The following RASSF3 variants were observed in gnomAD, a reference collection of about 807,000 sequenced individuals.
RASSF3 encodes the protein Ras association domain family member 3, also known as ras association domain-containing protein 3.
RASSF3 carries 19 observed loss-of-function variants against 19.9 expected under a neutral mutation model. The ratio of observed to expected loss-of-function variants is 0.96; its 90% CI spans 0.67 to 1.40. The LOEUF is 1.40. Ranked by LOEUF, RASSF3 falls within the 40% of genes most tolerant of loss-of-function variation. The pLI, the probability that RASSF3 is intolerant of heterozygous loss-of-function variation, is 0.00. For synonymous variants in RASSF3, 110 were observed against 104.2 expected (o/e 1.06, Z -0.34); for missense variants, 306 against 289.8 (o/e 1.06, Z -0.41).
rs528389968 is a variant in RASSF3 at position 64,598,053 on chromosome 12, A to G, written c.294+56348A>G. On this transcript the variant is annotated intron_variant, in intron 2 of 5. Coordinates refer to the RASSF3 transcript ENST00000637125. ...CTTCCACACCTCCCGAGTAGCTGGG[A>G]TTACAGGCACAAGCCACCATGCCCA... 1.6e-4 allele frequency among the ~76,000 whole-genome samples: 25 copies of G among 152,028 alleles called. No individual in the cohort carries two copies. The South Asian group carries it at 3.7e-3, about 23-fold the overall frequency.
At chr12:64,640,897 C>T (rs1044159546) in intron 1 of RASSF3, among the ~76,000 whole-genome samples, 9 of 152,066 alleles carry the variant, frequency 5.9e-5, no homozygotes, top group Admixed American at 4.6e-4. Context: ...CCTCCTCGAC[C>T]TCCCAAAGTG....
rs1176018517 is a variant in RASSF3, at chr12:64,622,827, C to CT, written c.111+12095dup. ...ACTGTGAAAATTTTCTTTTTTCTTT[C>CT]TTTTTTTTTTTGAGATGGAGTCTTG... On this transcript the variant is annotated intron_variant, in intron 1 of 4. Transcript: ENST00000542104. 2.9e-3 allele frequency among the ~76,000 whole-genome samples: 428 copies of CT among 145,178 alleles called. 2 individuals carry two copies. Among genetic ancestry groups the CT allele is most frequent in the African/African-American group, 9.3e-3 (372 of 39,830 alleles).
At chr12:64,673,579 C>T (rs1353305151) in intron 1 of RASSF3, among the ~76,000 whole-genome samples, 1 of 152,148 alleles carries the variant, frequency 6.6e-6, no homozygotes, top group Non-Finnish European at 1.5e-5. Context: ...CCACAGAGAT[C>T]TCCGAGAGGA....
chr12:64,507,677 C>T (rs1195965911), intron 1 of RASSF3, among the ~76,000 whole-genome samples: 1 of 152,106 alleles, frequency 6.6e-6, no homozygotes, highest in Non-Finnish European at 1.5e-5. Flanking sequence ...TGTCTTAGTA[C>T]TAAAACATCT....
At chr12:64,507,755 G>A (rs1375814604) in intron 1 of RASSF3, among the ~76,000 whole-genome samples, 2 of 152,118 alleles carry the variant, frequency 1.3e-5, no homozygotes, top group South Asian at 2.1e-4. Flanking sequence ...AACTAAAAAG[G>A]TCAGTGGGCC....
intron 1 of RASSF3, among the ~76,000 whole-genome samples, chr12:64,678,648 C>CAAAAAAAAAAAAAAAAA (rs767180678): frequency 2.2e-4 from 20 of 90,880 alleles, no homozygotes; most frequent in Non-Finnish European, 3.2e-4. Flanking sequence ...TCCGTAATAC[C>CAAAAAAAAAAAAAAAAA]AAAAAAAAAA....
chr12:64,517,377 C>A, intron 1 of RASSF3, among the ~76,000 whole-genome samples: 1 of 150,044 alleles, frequency 6.7e-6, no homozygotes, highest in African/African-American at 2.5e-5. Flanking sequence ...TTGGGGGAAA[C>A]AAAATAAAAT....
At chr12:64,596,839 C>T (rs1350067688) in intron 2 of RASSF3, among the ~76,000 whole-genome samples, 1 of 152,150 alleles carries the variant, frequency 6.6e-6, no homozygotes, top group East Asian at 1.9e-4. Context: ...AAGTGATTCT[C>T]CTGCTTCAGC....
intron 2 of RASSF3, among the ~76,000 whole-genome samples, chr12:64,587,051 C>CAT (rs1555210582): frequency 7.5e-6 from 1 of 134,098 alleles, no homozygotes; most frequent in East Asian, 2.1e-4. Context: ...CCTCGCCTCA[C>CAT]TTTTTTTTTT....
chr12:64,578,224 A>G (rs1371949366), intron 2 of RASSF3, among the ~76,000 whole-genome samples: 1 of 152,158 alleles, frequency 6.6e-6, no homozygotes, highest in Non-Finnish European at 1.5e-5. Flanking sequence ...CTCCGTCACA[A>G]AGAAGAAAAA....
chr12:64,696,400 T>C lies in RASSF3; in HGVS notation c.*1488T>C, dbSNP rs1290025936. The C allele has an allele frequency of 6.6e-6, 1 of 152,170 alleles. No homozygotes were observed. Among genetic ancestry groups the C allele is most frequent in the Non-Finnish European group, 1.5e-5 (1 of 68,028 alleles). 9.4% of individuals were successfully genotyped at this position (152,170 alleles called of 1,614,324 possible). On this transcript the variant is annotated 3_prime_UTR_variant, in exon 5 of 5. Transcript: ENST00000542104. Reference sequence around the variant, plus strand: ...ATAGAAGCCTTCCTTAAAAACAGGCTAAATAACCTCATTTTATGCAGCAGT... The same window carrying C: ...ATAGAAGCCTTCCTTAAAAACAGGCCAAATAACCTCATTTTATGCAGCAGT...
At chr12:64,602,123 A>C (rs1349284055) in intron 2 of RASSF3, among the ~76,000 whole-genome samples, 2 of 151,726 alleles carry the variant, frequency 1.3e-5, no homozygotes, top group Non-Finnish European at 2.9e-5. Context: ...TCAGAAAAAA[A>C]AAAAAAAAAA....
At chr12:64,515,404 C>A in intron 1 of RASSF3, 1 of 152,306 alleles carries the variant, frequency 6.6e-6, no homozygotes. Context: ...CACCTCCACC[C>A]CAGATCCCTT....
chr12:64,540,165 C>T (rs1168731346), intron 1 of RASSF3, among the ~76,000 whole-genome samples: 1 of 152,148 alleles, frequency 6.6e-6, no homozygotes, highest in Non-Finnish European at 1.5e-5. Flanking sequence ...TAAGTAGTAT[C>T]TGATGTGAAG....
At chr12:64,615,513 A>C (rs973508795) in intron 1 of RASSF3, among the ~76,000 whole-genome samples, 1 of 152,160 alleles carries the variant, frequency 6.6e-6, no homozygotes, top group African/African-American at 2.4e-5. Flanking sequence ...TTCTTATTCA[A>C]ATATTTTTGT....
intron 2 of RASSF3, among the ~76,000 whole-genome samples, chr12:64,590,163 G>A (rs1244892004): frequency 6.6e-6 from 1 of 151,790 alleles, no homozygotes; most frequent in African/African-American, 2.4e-5. Context: ...CTTGAGCCTG[G>A]GAGGTCAAGG....
chr12:64,595,058 T>C (rs1225961538), intron 2 of RASSF3, among the ~76,000 whole-genome samples: 1 of 136,628 alleles, frequency 7.3e-6, no homozygotes, highest in African/African-American at 2.7e-5. Context: ...ACTTTTCATA[T>C]GAAATCTTTT....
intron 1 of RASSF3, among the ~76,000 whole-genome samples, chr12:64,617,293 A>G (rs1242217084): frequency 6.6e-6 from 1 of 152,204 alleles, no homozygotes; most frequent in Non-Finnish European, 1.5e-5. Flanking sequence ...AAAACTCATC[A>G]TTTATTCATT....
intron 1 of RASSF3, among the ~76,000 whole-genome samples, chr12:64,539,927 T>A (rs942526339): frequency 2.6e-5 from 4 of 152,230 alleles, no homozygotes; most frequent in African/African-American, 9.6e-5. Flanking sequence ...ATATAGTCTA[T>A]CTGTATGATA....
Sources: gnomAD v4.1 joint callset for allele counts (sites outside exome capture counted in the v4.1 genomes callset) on GRCh38, gnomAD v4.1.1 for gene constraint, MANE v1.5 for transcripts, NCBI Gene and HGNC (gene_info 2026-07-23, HGNC 2026-07-21) for gene names.